Variants in LPA observed in about 807,000 individuals in gnomAD.
LPA encodes lipoprotein(a).
Under a neutral mutation model 197.9 loss-of-function variants are expected in LPA, and 199 were observed. The observed-to-expected ratio is 1.01, with a 90% CI of 0.90 to 1.13. LPA has a LOEUF of 1.13. Among genes scored for constraint, LPA ranks in the 50% most tolerant of loss-of-function variants. LPA has a pLI of 0.00. For synonymous variants in LPA, 715 were observed against 639.5 expected (o/e 1.12, Z -1.78); for missense variants, 1,853 against 1,785.8 (o/e 1.04, Z -0.68).
intron 28 of LPA, among the ~76,000 whole-genome samples, chr6:160,576,377 T>TAC (rs1583590466): frequency 3.0e-5 from 2 of 65,936 alleles, no homozygotes; most frequent in East Asian, 1.2e-3. Context: ...CATATATATA[T>TAC]ATATATATAT....
chr6:160,663,165 T>A (rs918330982), intron 1 of LPA, among the ~76,000 whole-genome samples: 1 of 152,242 alleles, frequency 6.6e-6, no homozygotes, highest in African/African-American at 2.4e-5. Context: ...AAGCTAGCTT[T>A]GGAAGCAAAT....
At chr6:160,580,993 G>T (rs1013917045) in intron 26 of LPA, among the ~76,000 whole-genome samples, 1 of 151,314 alleles carries the variant, frequency 6.6e-6, no homozygotes, top group Non-Finnish European at 1.5e-5. Context: ...CTTCTCCAAG[G>T]TTATAAGATA....
intron 33 of LPA, among the ~76,000 whole-genome samples, chr6:160,544,404 C>G (rs114159184): frequency 1.3e-5 from 2 of 152,132 alleles, no homozygotes; most frequent in African/African-American, 4.8e-5. Context: ...TCAACTCACA[C>G]TAAATCCAGA....
At chr6:160,592,545 T>G (rs1779049580) in intron 22 of LPA, among the ~76,000 whole-genome samples, 2 of 152,188 alleles carry the variant, frequency 1.3e-5, no homozygotes, top group South Asian at 4.1e-4. Flanking sequence ...TTGTGTTGAG[T>G]GATTTTTCTC....
intron 23 of LPA, among the ~76,000 whole-genome samples, chr6:160,590,650 G>C (rs994681955): frequency 6.6e-6 from 1 of 152,166 alleles, no homozygotes; most frequent in South Asian, 2.1e-4. Flanking sequence ...CAGGATGTTA[G>C]AATATCCATT....
At position 160,548,532 on chromosome 6, in the gene LPA, C is replaced by G. The variant is rs767808908; in HGVS notation, c.5101G>C (p.Val1701Leu). The change falls in exon 31 of 39, where the codon GTC (valine) becomes CTC (leucine). Residue 1701 changes from valine (V) to leucine (L), a missense_variant. Physicochemically the swap from Val to Leu is conservative, Grantham distance 32 (BLOSUM62 1). Transcript: ENST00000316300. ...TRCSDTEGTV[V>L]APPTVIQVPS... ...ACCTGGATGACAGTCGGAGGAGCGACCACAGTCCCTTCTGTGTCTGAGCAT... is the reference window on the plus strand; with the variant it reads ...ACCTGGATGACAGTCGGAGGAGCGAGCACAGTCCCTTCTGTGTCTGAGCAT... 1 of 1,614,082 alleles carries G rather than the reference C, an allele frequency of 6.2e-7. No individual in the cohort carries two copies. The highest frequency in any genetic ancestry group is 1.7e-5 in the Admixed American group (1 of 60,016).
At chr6:160,599,107 G>A (rs1025938523) in intron 20 of LPA, among the ~76,000 whole-genome samples, 2 of 152,184 alleles carry the variant, frequency 1.3e-5, no homozygotes, top group African/African-American at 4.8e-5. Context: ...ACTTTGGGAG[G>A]CTGAGGCAGG....
Position 160,589,653 on chromosome 6 carries a change from G to T in LPA, c.3847C>A (p.Arg1283=), listed in dbSNP as rs773141063. The T allele has an allele frequency of 7.4e-6, 12 of 1,613,840 alleles. No homozygotes were observed. Among genetic ancestry groups the T allele is most frequent in the Non-Finnish European group, 9.3e-6 (11 of 1,179,878 alleles). The change falls in exon 24 of 39, where the codon CGA becomes AGA. Residue 1283 remains arginine, a synonymous_variant. Transcript: ENST00000316300. ...DCYHGDGQSY[R]GSFSTTVTGR... is the part of the protein sequence containing the mutation. The stretch of plus-strand genomic sequence containing the variant: ...GTAACAGTGGTGGAGAATGAGCCTC[G>T]ATAACTCTGTCCATCACCATGGTAG...
chr6:160,565,583 G>A lies in LPA; in HGVS notation c.4632-8012C>T, dbSNP rs953843388. 2.0e-5 allele frequency among the ~76,000 whole-genome samples: 3 copies of A among 152,200 alleles called. No individual in the cohort carries two copies. The South Asian group carries it at 6.2e-4, about 32-fold the overall frequency. On this transcript the variant is annotated intron_variant, in intron 28 of 38. Coordinates refer to ENST00000316300, the MANE Select transcript of LPA (RefSeq NM_005577.4). ...ACAAAGATGGGGAGAAACCAGAGCA[G>A]AACAGCTGAAAATTCTAAAAATCAG...
chr6:160,559,704 C>A (rs1002435705), intron 28 of LPA, among the ~76,000 whole-genome samples: 2 of 152,178 alleles, frequency 1.3e-5, no homozygotes, highest in Admixed American at 1.3e-4. Context: ...CACCCATTTA[C>A]TTTAAGTTTA....
intron 20 of LPA, among the ~76,000 whole-genome samples, chr6:160,595,770 T>A (rs1779121030): frequency 6.6e-6 from 1 of 152,196 alleles, no homozygotes; most frequent in African/African-American, 2.4e-5. Context: ...ATAAGAAAAT[T>A]GAGAGTAAAC....
chr6:160,553,588 C>G (rs2115008286), intron 30 of LPA, among the ~76,000 whole-genome samples: 1 of 152,302 alleles, frequency 6.6e-6, no homozygotes, highest in East Asian at 1.9e-4. Context: ...TACTGTCCCT[C>G]TATGTAAATG....
chr6:160,571,243 T>C (rs1778556702), intron 28 of LPA, among the ~76,000 whole-genome samples: 2 of 152,224 alleles, frequency 1.3e-5, no homozygotes, highest in Non-Finnish European at 2.9e-5. Flanking sequence ...TTCTCTAAAC[T>C]GCTTACTGTA....
chr6:160,586,760 C>G, intron 24 of LPA, 130 bp from the exon 25 acceptor site: 1 of 1,274,202 alleles, frequency 7.8e-7, no homozygotes, highest in Non-Finnish European at 1.1e-6. Context: ...AGTCCCATAA[C>G]ACTCACAAAT....
At chr6:160,647,732 C>T (rs1779925617) in intron 2 of LPA, among the ~76,000 whole-genome samples, 2 of 152,298 alleles carry the variant, frequency 1.3e-5, no homozygotes, top group East Asian at 1.9e-4. Context: ...TACAGTGGTA[C>T]ACTTCCAATT....
intron 37 of LPA, among the ~76,000 whole-genome samples, chr6:160,533,940 T>C (rs769565353): frequency 7.9e-5 from 12 of 152,232 alleles, no homozygotes; most frequent in African/African-American, 2.4e-5. Context: ...TTCTCAGTGC[T>C]CTCACAAATA....
intron 37 of LPA, among the ~76,000 whole-genome samples, chr6:160,535,649 G>T (rs1452082559): frequency 6.6e-6 from 1 of 151,826 alleles, no homozygotes; most frequent in Non-Finnish European, 1.5e-5. Context: ...GGTGGTGATG[G>T]TGATGGTAGT....
At chr6:160,558,101 A>G (rs1413407515) in intron 28 of LPA, among the ~76,000 whole-genome samples, 1 of 151,958 alleles carries the variant, frequency 6.6e-6, no homozygotes, top group Non-Finnish European at 1.5e-5. Context: ...TTGTATTTTT[A>G]GTAGAGACAG....
chr6:160,654,734 A>G (rs1326324324), intron 1 of LPA, among the ~76,000 whole-genome samples: 7 of 152,244 alleles, frequency 4.6e-5, no homozygotes, highest in Admixed American at 4.6e-4. Flanking sequence ...TGTGAAGTCC[A>G]TAAATCTAAG....
Sources: gnomAD v4.1 joint callset for allele counts (sites outside exome capture counted in the v4.1 genomes callset) on GRCh38, gnomAD v4.1.1 for gene constraint, MANE v1.5 for transcripts, NCBI Gene and HGNC (gene_info 2026-07-23, HGNC 2026-07-21) for gene names.